The following ROBO2 variants were observed in gnomAD, a reference collection of about 807,000 sequenced individuals.
ROBO2 encodes roundabout homolog 2.
A neutral mutation model predicts 160.8 loss-of-function variants in ROBO2; 53 were observed. That is an observed-to-expected ratio of 0.33 (90% confidence interval 0.26 to 0.41). The LOEUF is 0.41. Among genes scored for constraint, ROBO2 ranks in the 10% least tolerant of loss-of-function variants. The probability of loss-of-function intolerance (pLI) is 1.00; values close to 1 mark genes in which losing one functional copy is unlikely to be tolerated. For synonymous variants in ROBO2, 664 were observed against 611.7 expected (o/e 1.09, Z -1.26); for missense variants, 1,577 against 1,722.4 (o/e 0.92, Z 1.49).
chr3:76,822,954 C>T (rs973743541), intron 2 of ROBO2, among the ~76,000 whole-genome samples: 21 of 151,986 alleles, frequency 1.4e-4, no homozygotes, highest in African/African-American at 5.1e-4. Context: ...TATCACTCTG[C>T]ACTGATCCTA....
intron 2 of ROBO2, among the ~76,000 whole-genome samples, chr3:76,847,864 T>C (rs2068922761): frequency 6.6e-6 from 1 of 152,160 alleles, no homozygotes; most frequent in Non-Finnish European, 1.5e-5. Flanking sequence ...TCTGACATTA[T>C]ATCCTTTTTT....
At chr3:76,764,034 C>A (rs2061448182) in intron 2 of ROBO2, among the ~76,000 whole-genome samples, 1 of 151,708 alleles carries the variant, frequency 6.6e-6, no homozygotes, top group African/African-American at 2.4e-5. Flanking sequence ...AACAAAGAAT[C>A]TTCGTTTTAT....
chr3:77,611,762 A>G (rs2094647998), intron 21 of ROBO2, among the ~76,000 whole-genome samples: 1 of 152,216 alleles, frequency 6.6e-6, no homozygotes, highest in Non-Finnish European at 1.5e-5. Flanking sequence ...GAAGAAAAGT[A>G]TTTGTTAATT....
intron 2 of ROBO2, among the ~76,000 whole-genome samples, chr3:76,401,105 TCTC>T (rs1400826759): frequency 2.6e-5 from 4 of 151,492 alleles, no homozygotes; most frequent in African/African-American, 9.7e-5. Flanking sequence ...CCTGTTTTCT[TCTC>T]CTCTGCTGCA....
At chr3:76,876,896 A>G (rs778265565) in intron 2 of ROBO2, among the ~76,000 whole-genome samples, 7 of 152,204 alleles carry the variant, frequency 4.6e-5, no homozygotes, top group Non-Finnish European at 8.8e-5. Context: ...TTGCTCTGCC[A>G]TAATCAAAGT....
intron 2 of ROBO2, among the ~76,000 whole-genome samples, chr3:76,297,311 T>C (rs1709123822): frequency 6.6e-6 from 1 of 152,194 alleles, no homozygotes; most frequent in Non-Finnish European, 1.5e-5. Context: ...CACACCTACT[T>C]GGAGAAGCTG....
chr3:77,441,860 G>C (rs979298892), intron 2 of ROBO2, among the ~76,000 whole-genome samples: 2 of 152,088 alleles, frequency 1.3e-5, no homozygotes, highest in African/African-American at 4.8e-5. Context: ...AATTTACAAT[G>C]GTCATTTTTT....
chr3:77,543,303 C>T (rs1485582900), intron 6 of ROBO2, among the ~76,000 whole-genome samples: 1 of 152,154 alleles, frequency 6.6e-6, no homozygotes, highest in African/African-American at 2.4e-5. Flanking sequence ...GCCTCTGCCA[C>T]AGGGCAAGAA....
intron 2 of ROBO2, among the ~76,000 whole-genome samples, chr3:76,461,701 G>T (rs2106796546): frequency 6.6e-6 from 1 of 152,222 alleles, no homozygotes; most frequent in South Asian, 2.1e-4. Context: ...GGTAAGCAAT[G>T]AAATGTATCA....
At chr3:75,953,942 A>G (rs188676993) in intron 2 of ROBO2, among the ~76,000 whole-genome samples, 1 of 152,016 alleles carries the variant, frequency 6.6e-6, no homozygotes, top group Admixed American at 6.6e-5. Context: ...AGTATTTTTT[A>G]TAGAACCAAG....
At chr3:76,629,264 T>C (rs964532390) in intron 2 of ROBO2, among the ~76,000 whole-genome samples, 25 of 152,196 alleles carry the variant, frequency 1.6e-4, no homozygotes, top group African/African-American at 6.0e-4. Context: ...AGTAACAATT[T>C]TCTTTATTGT....
chr3:77,288,319 C>G (rs1036462602), intron 2 of ROBO2, among the ~76,000 whole-genome samples: 5 of 152,130 alleles, frequency 3.3e-5, no homozygotes, highest in Non-Finnish European at 7.4e-5. Flanking sequence ...AAACATTAAA[C>G]TGACAAACAC....
At chr3:76,298,949 C>A (rs141943567) in intron 2 of ROBO2, among the ~76,000 whole-genome samples, 3,595 of 152,234 alleles carry the variant, frequency 0.024, 62 homozygotes, top group South Asian at 0.075. Flanking sequence ...CCTAGTAGTT[C>A]AAATCTGTAG....
chr3:77,564,609 A>G (rs2093426387), intron 11 of ROBO2: 1 of 411,098 alleles, frequency 2.4e-6, no homozygotes, highest in Non-Finnish European at 4.6e-6. Context: ...ATATACATTT[A>G]CGAGGACCAT....
At chr3:77,477,783 C>T (rs1243043645) in intron 3 of ROBO2, among the ~76,000 whole-genome samples, 1 of 150,556 alleles carries the variant, frequency 6.6e-6, no homozygotes, top group African/African-American at 2.4e-5. Context: ...TTAATAATTG[C>T]ACCAATCTGA....
At chr3:77,050,514 T>TA (rs1227230709) in intron 1 of ROBO2, among the ~76,000 whole-genome samples, 3 of 151,794 alleles carry the variant, frequency 2.0e-5, no homozygotes, top group South Asian at 2.1e-4. Flanking sequence ...TACTTTCATT[T>TA]AAAAAAAGAA....
chr3:76,327,398 T>C (rs1440250772), intron 2 of ROBO2, among the ~76,000 whole-genome samples: 1 of 152,158 alleles, frequency 6.6e-6, no homozygotes, highest in Non-Finnish European at 1.5e-5. Context: ...TTAAAGTAAA[T>C]TTTTGTTATA....
At chr3:76,555,548 T>C (rs1045443524) in intron 2 of ROBO2, among the ~76,000 whole-genome samples, 3 of 152,048 alleles carry the variant, frequency 2.0e-5, no homozygotes, top group East Asian at 1.9e-4. Context: ...TTAATGCCAA[T>C]TGGAATAAAA....
At chr3:76,259,811 G>A (rs1419833562) in intron 2 of ROBO2, among the ~76,000 whole-genome samples, 4 of 152,012 alleles carry the variant, frequency 2.6e-5, no homozygotes, top group Non-Finnish European at 4.4e-5. Flanking sequence ...CAACAAGAAA[G>A]ACCCGAGTGA....
Sources: gnomAD v4.1 joint callset for allele counts (sites outside exome capture counted in the v4.1 genomes callset) on GRCh38, gnomAD v4.1.1 for gene constraint, MANE v1.5 for transcripts, NCBI Gene and HGNC (gene_info 2026-07-23, HGNC 2026-07-21) for gene names.